SMIM18: variants seen among roughly 807,000 people sequenced by gnomAD.
SMIM18 encodes the protein small integral membrane protein 18.
Under a neutral mutation model 5.9 loss-of-function variants are expected in SMIM18, and 4 were observed. That is an observed-to-expected ratio of 0.68 (90% CI 0.33 to 1.56). The LOEUF (loss-of-function observed/expected upper bound fraction) is 1.56. Ranked by LOEUF, SMIM18 falls within the 40% of genes most tolerant of loss-of-function variation. The probability of loss-of-function intolerance (pLI) is 0.06; values close to 1 mark genes in which losing one functional copy is unlikely to be tolerated. For synonymous variants in SMIM18, 37 were observed against 37.4 expected (o/e 0.99, Z 0.04); for missense variants, 89 against 109.7 (o/e 0.81, Z 0.84).
intron 2 of SMIM18, 104 bp from the exon 3 acceptor site, chr8:30,645,177 G>T (rs1271071794): frequency 2.0e-6 from 2 of 1,003,582 alleles, no homozygotes; most frequent in Non-Finnish European, 1.4e-6. Flanking sequence ...AATTAAGGAA[G>T]ATTCATGTTG....
At chr8:30,639,990 A>G (rs1159151142) in intron 1 of SMIM18, among the ~76,000 whole-genome samples, 1 of 152,230 alleles carries the variant, frequency 6.6e-6, no homozygotes, top group East Asian at 1.9e-4. Flanking sequence ...TTTGTCAAAT[A>G]AAACAGTTAA....
chr8:30,644,250 T>G (rs936188053), intron 1 of SMIM18, among the ~76,000 whole-genome samples: 2 of 152,182 alleles, frequency 1.3e-5, no homozygotes, highest in Non-Finnish European at 2.9e-5. Context: ...ATACTGAAAC[T>G]TGAACTCACC....
chr8:30,639,287 T>C (rs1801725563), intron 1 of SMIM18, among the ~76,000 whole-genome samples: 1 of 151,090 alleles, frequency 6.6e-6, no homozygotes. Flanking sequence ...AGCTTCAGAC[T>C]TCCTTAACAT....
intron 1 of SMIM18, among the ~76,000 whole-genome samples, chr8:30,640,675 C>T (rs1297323496): frequency 3.3e-5 from 5 of 152,232 alleles, no homozygotes; most frequent in East Asian, 1.9e-4. Flanking sequence ...AAAACTAAGT[C>T]GCAGGATAGG....
chr8:30,639,366 C>G (rs1044610953), intron 1 of SMIM18, among the ~76,000 whole-genome samples: 4 of 152,216 alleles, frequency 2.6e-5, no homozygotes, highest in African/African-American at 9.6e-5. Flanking sequence ...TAAACAAAAA[C>G]CTTCTTAAAT....
intron 1 of SMIM18, among the ~76,000 whole-genome samples, chr8:30,642,678 C>T (rs1801890977): frequency 6.6e-6 from 1 of 152,180 alleles, no homozygotes; most frequent in African/African-American, 2.4e-5. Flanking sequence ...TTTCCCTCTT[C>T]CTATATACAC....
rs150697109 is a variant in SMIM18, at chr8:30,644,814, G to A, written c.-30+242G>A. On this transcript the variant is annotated intron_variant, in intron 2 of 2. Transcript: ENST00000517349. ...TGTCCAGGCTAGAATGCAGTGGCAC[G>A]ATCTTAGCTCACCACAACCTGCGCC... 5.3e-3 allele frequency among the ~76,000 whole-genome samples: 797 copies of A among 150,154 alleles called. 11 individuals are homozygous for A. The highest frequency in any genetic ancestry group is 0.018 in the African/African-American group (753 of 40,758).
chr8:30,645,859 AG>A lies in SMIM18; in HGVS notation c.*263del. On this transcript the variant is annotated 3_prime_UTR_variant, in exon 3 of 3. Transcript: ENST00000517349. ...CAAAAACTGGATAAAAGATTCCTAGAGTTCAATATTAAGCAGCAAAAGATAA... is the reference window on the plus strand; with the variant it reads ...CAAAAACTGGATAAAAGATTCCTAGATTCAATATTAAGCAGCAAAAGATAA... 1 of 340,632 alleles carries A rather than the reference AG, an allele frequency of 2.9e-6. No individual in the cohort carries two copies. The highest frequency in any genetic ancestry group is 5.3e-6 in the Non-Finnish European group (1 of 187,704). The allele number at this position is 340,632 out of a possible 1,614,324, so 21.1% of individuals were successfully genotyped here. A position where few individuals can be genotyped will look rare whatever the true frequency, so the allele number is the denominator to read the frequency against.
At chr8:30,644,285 T>C (rs1399734933) in intron 1 of SMIM18, among the ~76,000 whole-genome samples, 1 of 152,206 alleles carries the variant, frequency 6.6e-6, no homozygotes, top group African/African-American at 2.4e-5. Flanking sequence ...AATGGAATAA[T>C]AACTGATACC....
intron 1 of SMIM18, chr8:30,643,466 G>A (rs1218829025): frequency 2.0e-5 from 3 of 152,192 alleles, no homozygotes; most frequent in Non-Finnish European, 4.4e-5. Context: ...AGACCAGCCT[G>A]ACCAACATGG....
At chr8:30,639,456 A>C (rs1056824760) in intron 1 of SMIM18, among the ~76,000 whole-genome samples, 2 of 152,228 alleles carry the variant, frequency 1.3e-5, no homozygotes, top group African/African-American at 4.8e-5. Context: ...CCTCAAAATA[A>C]ATACAAAGTA....
In SMIM18 at chr8:30,645,582, A is replaced by C. The variant is rs1448102484; in HGVS notation, c.273A>C (p.Glu91Asp). ...TGATGGACAACATCAGAAAACGTGA[A>C]ACTGAAGTGGTCTAACACTCTATAG... The part of the protein sequence containing the change: ...RSMMDNIRKR[E>D]TEVV The change falls in exon 3 of 3, where the codon GAA becomes GAC. Residue 91 changes from glutamate (E) to aspartate (D), a missense_variant. Coordinates refer to ENST00000517349, the MANE Select transcript of SMIM18 (RefSeq NM_001206847.2). The C allele has an allele frequency of 1.3e-6, 2 of 1,535,512 alleles. No individual in the cohort carries two copies. The highest frequency in any genetic ancestry group is 2.7e-5 in the African/African-American group (2 of 73,030).
chr8:30,640,247 A>C (rs1011381846), intron 1 of SMIM18, among the ~76,000 whole-genome samples: 1 of 152,218 alleles, frequency 6.6e-6, no homozygotes, highest in Non-Finnish European at 1.5e-5. Context: ...TATGCTTAAA[A>C]GCACCTGAGA....
chr8:30,641,250 A>G (rs1801813150), intron 1 of SMIM18, among the ~76,000 whole-genome samples: 1 of 152,200 alleles, frequency 6.6e-6, no homozygotes, highest in South Asian at 2.1e-4. Context: ...TTTACAACAT[A>G]AACCTGACCT....
At chr8:30,640,070 C>T (rs915185316) in intron 1 of SMIM18, among the ~76,000 whole-genome samples, 12 of 152,182 alleles carry the variant, frequency 7.9e-5, no homozygotes, top group African/African-American at 2.7e-4. Context: ...AACACTCTAT[C>T]ATCAGCCTGC....
At chr8:30,644,063 C>A (rs192244791) in intron 1 of SMIM18, among the ~76,000 whole-genome samples, 2 of 152,280 alleles carry the variant, frequency 1.3e-5, no homozygotes, top group Admixed American at 1.3e-4. Flanking sequence ...TCTTAGTGCA[C>A]AGGTTATCTT....
At chr8:30,645,237 A>G in intron 2 of SMIM18, 44 bp from the exon 3 acceptor site, 1 of 1,401,630 alleles carries the variant, frequency 7.1e-7, no homozygotes, top group Non-Finnish European at 9.5e-7. Flanking sequence ...GAATTAACAG[A>G]TCTGTAGTTT....
intron 1 of SMIM18, among the ~76,000 whole-genome samples, chr8:30,644,032 T>C (rs1801964223): frequency 6.6e-6 from 1 of 152,226 alleles, no homozygotes; most frequent in African/African-American, 2.4e-5. Flanking sequence ...AACTACATTT[T>C]TTCTCTTATT....
intron 1 of SMIM18, among the ~76,000 whole-genome samples, chr8:30,640,816 T>C (rs1056407368): frequency 1.3e-5 from 2 of 152,158 alleles, no homozygotes; most frequent in Admixed American, 1.3e-4. Context: ...GAGATTCTCC[T>C]GCCTTGGCTT....
Sources: gnomAD v4.1 joint callset for allele counts (sites outside exome capture counted in the v4.1 genomes callset) on GRCh38, gnomAD v4.1.1 for gene constraint, MANE v1.5 for transcripts, NCBI Gene and HGNC (gene_info 2026-07-23, HGNC 2026-07-21) for gene names.